The following WDR5B variants were observed in gnomAD, a reference collection of about 807,000 sequenced individuals.
The protein encoded by WDR5B is WD repeat domain 5B.
Under a neutral mutation model 24.0 loss-of-function variants are expected in WDR5B, and 17 were observed. The observed-to-expected ratio is 0.71, with a 90% CI of 0.49 to 1.06. WDR5B has a LOEUF of 1.06. Ranked by LOEUF, WDR5B falls within the 50% of genes least tolerant of loss-of-function variation. The pLI, the probability that WDR5B is intolerant of heterozygous loss-of-function variation, is 0.00. For synonymous variants in WDR5B, 150 were observed against 146.4 expected (o/e 1.02, Z -0.18); for missense variants, 368 against 384.1 (o/e 0.96, Z 0.35).
chr3:122,415,317 T>C lies in WDR5B; in HGVS notation c.212A>G (p.Tyr71Cys). The change falls in exon 1 of 1, where the codon TAT becomes TGT. Residue 71 changes from tyrosine to cysteine, a missense_variant. Physicochemically the swap from Tyr to Cys is radical, Grantham distance 194 (BLOSUM62 -2). Coordinates refer to ENST00000330689, the MANE Select transcript of WDR5B (RefSeq NM_019069.4). ...ADRLIIIWGA[Y>C]DGKYEKTLYG... ...GAGTGTTTTCTCATATTTTCCATCATATGCTCCCCAAATTATGATTAGCCT... is the reference window on the plus strand; with the variant it reads ...GAGTGTTTTCTCATATTTTCCATCACATGCTCCCCAAATTATGATTAGCCT... 1.2e-6 allele frequency: 2 copies of C among 1,614,248 alleles called. No homozygotes were observed. Among genetic ancestry groups the C allele is most frequent in the South Asian group, 2.2e-5 (2 of 91,086 alleles).
Sources: gnomAD v4.1 joint callset for allele counts on GRCh38, gnomAD v4.1.1 for gene constraint, MANE v1.5 for transcripts, NCBI Gene and HGNC (gene_info 2026-07-23, HGNC 2026-07-21) for gene names.